The following EYS variants were observed in gnomAD, a reference collection of about 807,000 sequenced individuals.
EYS encodes protein eyes shut homolog.
EYS carries 250 observed loss-of-function variants against 282.1 expected under a neutral mutation model. The ratio of observed to expected loss-of-function variants is 0.89; its 90% CI spans 0.80 to 0.98. The LOEUF (loss-of-function observed/expected upper bound fraction) is 0.98. EYS is among the 50% of genes least tolerant of loss of function. The pLI, the probability that EYS is intolerant of heterozygous loss-of-function variation, is 0.00. For synonymous variants in EYS, 1,355 were observed against 1,282.9 expected, an observed-to-expected ratio of 1.06 and a Z score of -1.20; for missense variants, 4,016 against 3,709.0, an observed-to-expected ratio of 1.08 and a Z score of -2.15.
At chr6:64,459,749 C>A (rs1320227946) in intron 26 of EYS, among the ~76,000 whole-genome samples, 3 of 152,188 alleles carry the variant, frequency 2.0e-5, no homozygotes, top group Non-Finnish European at 4.4e-5. Context: ...CTGATTTATT[C>A]TAGCTGCACT....
intron 31 of EYS, among the ~76,000 whole-genome samples, chr6:64,202,383 A>G (rs1355861213): frequency 1.3e-5 from 2 of 152,214 alleles, no homozygotes; most frequent in East Asian, 1.9e-4. Context: ...CCACTCAACC[A>G]AAGACTTTCA....
chr6:64,654,712 T>A (rs2149881272), intron 22 of EYS, among the ~76,000 whole-genome samples: 2 of 152,332 alleles, frequency 1.3e-5, no homozygotes, highest in South Asian at 4.1e-4. Context: ...TCCTGATTTT[T>A]TAGAAATATT....
chr6:65,012,021 G>T (rs1267854965), intron 13 of EYS, among the ~76,000 whole-genome samples: 2 of 152,106 alleles, frequency 1.3e-5, no homozygotes, highest in East Asian at 3.9e-4. Context: ...TTTCTTTCTG[G>T]TACCCTGGAG....
intron 36 of EYS, among the ~76,000 whole-genome samples, chr6:63,850,086 G>T (rs1212866402): frequency 1.3e-5 from 2 of 152,048 alleles, no homozygotes; most frequent in African/African-American, 2.4e-5. Flanking sequence ...AGAGATTGAA[G>T]ATTAACTTAA....
intron 19 of EYS, among the ~76,000 whole-genome samples, chr6:64,870,865 A>G (rs1456392989): frequency 6.6e-6 from 1 of 151,902 alleles, no homozygotes; most frequent in Non-Finnish European, 1.5e-5. Flanking sequence ...TAAAGATAAG[A>G]CAATAGAATT....
intron 12 of EYS, among the ~76,000 whole-genome samples, chr6:65,138,915 T>C (rs763277767): frequency 1.2e-4 from 18 of 152,040 alleles, no homozygotes; most frequent in Non-Finnish European, 2.4e-4. Context: ...AGAATAGCTA[T>C]TGGAAAGTCC....
intron 26 of EYS, among the ~76,000 whole-genome samples, chr6:64,506,883 T>C (rs1777225104): frequency 7.7e-6 from 1 of 129,298 alleles, no homozygotes; most frequent in African/African-American, 3.3e-5. Context: ...CACTCCAACC[T>C]GGGCGATAAA....
intron 30 of EYS, among the ~76,000 whole-genome samples, chr6:64,274,406 A>G (rs1296592983): frequency 2.0e-5 from 3 of 150,540 alleles, no homozygotes; most frequent in African/African-American, 7.4e-5. Context: ...TCCTGGGCCC[A>G]AGCAATCTGT....
chr6:64,444,546 T>C lies in EYS; in HGVS notation c.5645-5194A>G, dbSNP rs185666302. ...TTTTCATTATGTGACTAATTATCTG[T>C]ATGGAAACCCATATATGCATTCAAT... On this transcript the variant is annotated intron_variant, in intron 26 of 42. Coordinates refer to ENST00000503581, the MANE Select transcript of EYS (RefSeq NM_001142800.2). Among the ~76,000 whole-genome samples the C allele has an allele frequency of 7.4e-4, 112 of 152,338 alleles. No individual in the cohort carries two copies. The East Asian group carries it at 0.019, about 25-fold the overall frequency.
intron 35 of EYS, among the ~76,000 whole-genome samples, chr6:63,881,145 G>A (rs1290608125): frequency 1.3e-5 from 2 of 152,140 alleles, no homozygotes; most frequent in African/African-American, 2.4e-5. Flanking sequence ...TGCTCCTTCA[G>A]ATGGGCTAGA....
intron 8 of EYS, among the ~76,000 whole-genome samples, chr6:65,369,665 T>C (rs1452561668): frequency 6.6e-6 from 1 of 151,526 alleles, no homozygotes; most frequent in African/African-American, 2.4e-5. Context: ...GATATTGGCA[T>C]TTTGGACTCA....
At chr6:64,910,998 T>C (rs1767974231) in intron 16 of EYS, among the ~76,000 whole-genome samples, 1 of 152,000 alleles carries the variant, frequency 6.6e-6, no homozygotes, top group African/African-American at 2.4e-5. Flanking sequence ...CTATTTTACT[T>C]AGCCTACTTA....
At position 64,230,781 on chromosome 6, in the gene EYS, C is replaced by T; in HGVS notation, c.6235G>A (p.Ala2079Thr). 1 of 1,551,078 alleles carries T rather than the reference C, an allele frequency of 6.4e-7. No individual in the cohort carries two copies. The highest frequency in any genetic ancestry group is 8.7e-7 in the Non-Finnish European group (1 of 1,146,554). The change falls in exon 31 of 43, where the codon GCT (alanine) becomes ACT (threonine). Residue 2079 changes from alanine (A) to threonine (T), a missense_variant. Transcript: ENST00000503581. ...TCAACCCCTTGTGTCACATCAGAAGCATCAACAAAGGAGGCTGTTGGAGAC... is the reference window on the plus strand; with the variant it reads ...TCAACCCCTTGTGTCACATCAGAAGTATCAACAAAGGAGGCTGTTGGAGAC... ...MLSPTASFVD[A>T]SDVTQGVDTM...
intron 22 of EYS, among the ~76,000 whole-genome samples, chr6:64,708,263 C>T (rs9360039): frequency 0.68 from 104,078 of 152,094 alleles, 37,552 homozygotes; most frequent in Non-Finnish European, 0.8. Flanking sequence ...CTGCATTTAG[C>T]AGTACTGCGT....
intron 22 of EYS, among the ~76,000 whole-genome samples, chr6:64,659,485 T>C (rs34874461): frequency 0.64 from 96,532 of 151,012 alleles, 31,091 homozygotes; most frequent in African/African-American, 0.71. Flanking sequence ...TGATAGACCT[T>C]TAGCAAGACT....
chr6:64,151,430 GGCTCACTGCAACCTGT>G (rs1232508393), intron 31 of EYS, among the ~76,000 whole-genome samples: 1 of 145,248 alleles, frequency 6.9e-6, no homozygotes, highest in Non-Finnish European at 1.5e-5. Flanking sequence ...GTGCCATCTT[GGCTCACTGCAACCTGT>G]GAGTCCCAGG....
chr6:64,464,714 A>G (rs1775861774), intron 26 of EYS, among the ~76,000 whole-genome samples: 1 of 152,090 alleles, frequency 6.6e-6, no homozygotes, highest in Non-Finnish European at 1.5e-5. Flanking sequence ...GTTCTGTTAT[A>G]AAGAGAACAG....
At chr6:65,168,558 T>C (rs1765029842) in intron 12 of EYS, among the ~76,000 whole-genome samples, 1 of 151,110 alleles carries the variant, frequency 6.6e-6, no homozygotes, top group African/African-American at 2.4e-5. Flanking sequence ...ACACTAATCC[T>C]ATTCATGAGG....
At chr6:65,236,635 C>A (rs889574541) in intron 12 of EYS, among the ~76,000 whole-genome samples, 2 of 151,928 alleles carry the variant, frequency 1.3e-5, no homozygotes, top group African/African-American at 4.8e-5. Flanking sequence ...ATAACAGTAT[C>A]ATTTTGGCAG....
Sources: gnomAD v4.1 joint callset for allele counts (sites outside exome capture counted in the v4.1 genomes callset) on GRCh38, gnomAD v4.1.1 for gene constraint, MANE v1.5 for transcripts, NCBI Gene and HGNC (gene_info 2026-07-23, HGNC 2026-07-21) for gene names.